Variants in MICOS10 observed in about 807,000 individuals in gnomAD.
MICOS10 encodes the protein mitochondrial contact site and cristae organizing system subunit 10, also known as MICOS complex subunit MIC10.
A neutral mutation model predicts 13.4 loss-of-function variants in MICOS10; 5 were observed. The observed-to-expected ratio is 0.37, with a 90% CI of 0.20 to 0.78. MICOS10 has a LOEUF of 0.78. MICOS10 is among the 30% of genes least tolerant of loss of function. The pLI, the probability that MICOS10 is intolerant of heterozygous loss-of-function variation, is 0.47. For synonymous variants in MICOS10, 35 were observed against 33.6 expected, an observed-to-expected ratio of 1.04 and a Z score of -0.15; for missense variants, 101 against 94.6, an observed-to-expected ratio of 1.07 and a Z score of -0.28.
intron 1 of MICOS10, among the ~76,000 whole-genome samples, chr1:19,599,531 G>T (rs562321877): frequency 6.6e-6 from 1 of 152,152 alleles, no homozygotes; most frequent in Non-Finnish European, 1.5e-5. Flanking sequence ...GAGTGATTCA[G>T]ACTCTTTTGC....
chr1:19,627,327 G>A lies in MICOS10; in HGVS notation c.*926G>A, dbSNP rs1317221490. 1.3e-5 allele frequency: 2 copies of A among 152,214 alleles called. No homozygotes were observed. The highest frequency in any genetic ancestry group is 2.9e-5 in the Non-Finnish European group (2 of 68,054). The allele number at this position is 152,214 out of a possible 1,614,324, so 9.4% of individuals were successfully genotyped here. ...TTCCTTATCGTAGAATTAAGATAGG[G>A]AGAGCCCGATCCCACTTGCCCCTGT... is the stretch of plus-strand genomic sequence containing the variant. On this transcript the variant is annotated 3_prime_UTR_variant, in exon 4 of 4. Coordinates refer to ENST00000322753, the MANE Select transcript of MICOS10 (RefSeq NM_001032363.4).
At chr1:19,597,610 T>C (rs1252010896) in intron 1 of MICOS10, among the ~76,000 whole-genome samples, 2 of 152,170 alleles carry the variant, frequency 1.3e-5, no homozygotes, top group African/African-American at 4.8e-5. Context: ...ACCTGATTTA[T>C]TTGAATCAGA....
intron 1 of MICOS10, among the ~76,000 whole-genome samples, chr1:19,606,757 AAAAG>A (rs1263389401): frequency 2.0e-5 from 3 of 152,242 alleles, no homozygotes; most frequent in Non-Finnish European, 2.9e-5. Context: ...TCCAAAAAAA[AAAAG>A]AAAGAAAAAA....
At chr1:19,599,888 G>A (rs778450210) in intron 1 of MICOS10, among the ~76,000 whole-genome samples, 6 of 152,038 alleles carry the variant, frequency 3.9e-5, no homozygotes, top group African/African-American at 9.7e-5. Context: ...TGCTTTCTGC[G>A]TATTCAGCAC....
intron 1 of MICOS10, among the ~76,000 whole-genome samples, chr1:19,615,932 T>G (rs2094882649): frequency 6.7e-6 from 1 of 148,834 alleles, no homozygotes. Context: ...TAATTTTTAT[T>G]TTTTAGACGG....
At chr1:19,615,286 T>C (rs994833039) in intron 1 of MICOS10, among the ~76,000 whole-genome samples, 4 of 152,252 alleles carry the variant, frequency 2.6e-5, no homozygotes, top group Non-Finnish European at 4.4e-5. Context: ...AAATGTTTTT[T>C]TGTGGAGGAA....
intron 1 of MICOS10, among the ~76,000 whole-genome samples, chr1:19,608,915 A>G (rs544202037): frequency 6.7e-6 from 1 of 150,316 alleles, no homozygotes; most frequent in African/African-American, 2.4e-5. Context: ...TGCTCAGGCT[A>G]CTACTTCTGG....
chr1:19,620,133 C>T (rs2094898110), intron 1 of MICOS10, among the ~76,000 whole-genome samples: 1 of 152,190 alleles, frequency 6.6e-6, no homozygotes, highest in South Asian at 2.1e-4. Flanking sequence ...TGTCATGCAA[C>T]AGCAACAAAA....
intron 1 of MICOS10, among the ~76,000 whole-genome samples, chr1:19,607,493 A>G (rs773230155): frequency 3.3e-5 from 5 of 152,218 alleles, no homozygotes; most frequent in Non-Finnish European, 5.9e-5. Flanking sequence ...TATTTTTACT[A>G]TGGCCACTGA....
chr1:19,601,575 T>TC, intron 1 of MICOS10, among the ~76,000 whole-genome samples: 1 of 109,752 alleles, frequency 9.1e-6, no homozygotes, highest in East Asian at 2.4e-4. Flanking sequence ...AGACCCTTTC[T>TC]CAAAAAAAAA....
At chr1:19,625,487 C>T in intron 3 of MICOS10, 1 of 1,289,418 alleles carries the variant, frequency 7.8e-7, no homozygotes, top group Non-Finnish European at 1.0e-6. Flanking sequence ...AGAGTGAGGT[C>T]ATCACAGGGA....
At chr1:19,600,389 A>G (rs80034393) in intron 1 of MICOS10, among the ~76,000 whole-genome samples, 11,969 of 152,242 alleles carry the variant, frequency 0.079, 646 homozygotes, top group Non-Finnish European at 0.11. Context: ...ACGCTCTTCT[A>G]TAGTGAGCGT....
At chr1:19,600,268 A>G (rs2094808730) in intron 1 of MICOS10, among the ~76,000 whole-genome samples, 2 of 152,140 alleles carry the variant, frequency 1.3e-5, no homozygotes, top group Admixed American at 6.5e-5. Flanking sequence ...ACTTTTTCCC[A>G]TCTGTGAAAT....
intron 1 of MICOS10, among the ~76,000 whole-genome samples, chr1:19,611,693 C>G (rs1339597347): frequency 1.3e-5 from 2 of 151,810 alleles, no homozygotes; most frequent in African/African-American, 2.4e-5. Context: ...GTTTTAAGGC[C>G]AGGCGCGATG....
intron 1 of MICOS10, among the ~76,000 whole-genome samples, chr1:19,614,279 G>T (rs760519174): frequency 1.3e-5 from 2 of 150,902 alleles, no homozygotes; most frequent in Non-Finnish European, 2.9e-5. Context: ...CCAGGTAGAA[G>T]TTCTCAGCTT....
intron 1 of MICOS10, among the ~76,000 whole-genome samples, chr1:19,599,457 G>T (rs1354207613): frequency 3.3e-5 from 5 of 152,174 alleles, no homozygotes; most frequent in Non-Finnish European, 7.3e-5. Flanking sequence ...TAGGGGTGCA[G>T]CATATACATG....
At chr1:19,609,095 C>T (rs1055281945) in intron 1 of MICOS10, among the ~76,000 whole-genome samples, 10 of 141,818 alleles carry the variant, frequency 7.1e-5, no homozygotes, top group Admixed American at 7.6e-5. Context: ...GCCTCCTGGA[C>T]TCATGATCCT....
Position 19,622,158 on chromosome 1 carries a change from CTCTG to C in MICOS10, c.112+15_112+18del. On this transcript the variant is annotated intron_variant, in intron 2 of 3. Transcript: ENST00000322753. The stretch of plus-strand genomic sequence containing the variant: ...TTACCTTCTTTAAAAGTAAGTGTCA[CTCTG>C]TCTTTTCAACATAATGTCATAGTGT... 6.2e-7 allele frequency: 1 copy of C among 1,603,390 alleles called. No homozygotes were observed. The highest frequency in any genetic ancestry group is 8.5e-7 in the Non-Finnish European group (1 of 1,171,250).
intron 1 of MICOS10, among the ~76,000 whole-genome samples, chr1:19,603,280 A>G (rs1037884751): frequency 7.2e-5 from 11 of 152,168 alleles, no homozygotes; most frequent in Non-Finnish European, 1.0e-4. Flanking sequence ...CAGTGAGCCA[A>G]TATCCTGCCA....
Sources: gnomAD v4.1 joint callset for allele counts (sites outside exome capture counted in the v4.1 genomes callset) on GRCh38, gnomAD v4.1.1 for gene constraint, MANE v1.5 for transcripts, NCBI Gene and HGNC (gene_info 2026-07-23, HGNC 2026-07-21) for gene names.